Variants in BICD1 observed in about 807,000 individuals in gnomAD.
BICD1 encodes the protein BICD cargo adaptor 1, also known as protein bicaudal D homolog 1.
A neutral mutation model predicts 92.5 loss-of-function variants in BICD1; 35 were observed. The ratio of observed to expected loss-of-function variants is 0.38; its 90% CI spans 0.29 to 0.50. The LOEUF (loss-of-function observed/expected upper bound fraction) is 0.50, where lower values mean the gene tolerates loss of function less well. Ranked by LOEUF, BICD1 falls within the 20% of genes least tolerant of loss-of-function variation. The pLI, the probability that BICD1 is intolerant of heterozygous loss-of-function variation, is 0.93. For synonymous variants in BICD1, 429 were observed against 465.1 expected (o/e 0.92, Z 1.00); for missense variants, 950 against 1,189.8 (o/e 0.80, Z 2.97).
At chr12:32,305,648 A>G (rs200647574) in intron 3 of BICD1, 49 bp from the exon 4 acceptor site, 13 of 1,520,586 alleles carry the variant, frequency 8.5e-6, no homozygotes, top group Admixed American at 2.2e-5. Flanking sequence ...GCAGTTTTGT[A>G]AGATCCACAT....
chr12:32,281,314 T>C (rs1324664080), intron 2 of BICD1, among the ~76,000 whole-genome samples: 1 of 152,232 alleles, frequency 6.6e-6, no homozygotes, highest in Non-Finnish European at 1.5e-5. Flanking sequence ...CCTGGGAAGA[T>C]GCTGATTACA....
chr12:32,121,558 AC>A (rs1942150185), intron 1 of BICD1, among the ~76,000 whole-genome samples: 1 of 151,530 alleles, frequency 6.6e-6, no homozygotes, highest in Non-Finnish European at 1.5e-5. Flanking sequence ...ACTCCATTGC[AC>A]TCCAGCCTGG....
At chr12:32,176,302 C>T (rs1002997173) in intron 1 of BICD1, among the ~76,000 whole-genome samples, 1 of 152,088 alleles carries the variant, frequency 6.6e-6, no homozygotes, top group Non-Finnish European at 1.5e-5. Context: ...AACTATTTTC[C>T]AAAGTGGCCA....
At chr12:32,373,481 A>C (rs538363625) in intron 9 of BICD1, among the ~76,000 whole-genome samples, 2 of 152,238 alleles carry the variant, frequency 1.3e-5, no homozygotes, top group Non-Finnish European at 2.9e-5. Flanking sequence ...CGAATGATGT[A>C]ATGTCAAGGT....
At chr12:32,355,378 C>A (rs778954511) in intron 8 of BICD1, among the ~76,000 whole-genome samples, 2 of 152,112 alleles carry the variant, frequency 1.3e-5, no homozygotes, top group Non-Finnish European at 2.9e-5. Flanking sequence ...CACATAAATT[C>A]CCTAGCAAAG....
At chr12:32,341,948 AT>A (rs936211264) in intron 8 of BICD1, among the ~76,000 whole-genome samples, 1 of 151,844 alleles carries the variant, frequency 6.6e-6, no homozygotes, top group African/African-American at 2.4e-5. Flanking sequence ...CTTATGTTCT[AT>A]ATAAGAAATA....
At chr12:32,119,955 A>G (rs1318460282) in intron 1 of BICD1, among the ~76,000 whole-genome samples, 1 of 152,226 alleles carries the variant, frequency 6.6e-6, no homozygotes, top group Non-Finnish European at 1.5e-5. Flanking sequence ...TGTTGTTTCT[A>G]CTTTCTGAAA....
intron 1 of BICD1, among the ~76,000 whole-genome samples, chr12:32,183,479 C>T (rs1944340473): frequency 6.6e-6 from 1 of 151,918 alleles, no homozygotes; most frequent in South Asian, 2.1e-4. Context: ...GTTGGCCAGG[C>T]TGGTCTTGAA....
chr12:32,305,979 C>A lies in BICD1; in HGVS notation c.862C>A (p.His288Asn). 1 of 1,614,156 alleles carries A rather than the reference C, an allele frequency of 6.2e-7. No individual in the cohort carries two copies. The highest frequency in any genetic ancestry group is 1.1e-5 in the South Asian group (1 of 91,032). The change falls in exon 4 of 10, where the codon CAT (histidine) becomes AAT (asparagine). Residue 288 changes from histidine (H) to asparagine (N), a missense_variant. His to Asn is a moderately conservative substitution (Grantham distance 68). Coordinates refer to ENST00000652176, the MANE Select transcript of BICD1 (RefSeq NM_001714.4). Reference sequence around the variant, plus strand: ...AAACAATGATGACAAAATGAACGGTCATATCCATGGGCCTCTTGTGAAACT... The same window carrying A: ...AAACAATGATGACAAAATGAACGGTAATATCCATGGGCCTCTTGTGAAACT... ...EPNNDDKMNG[H>N]IHGPLVKLNG...
chr12:32,191,664 T>TTATATATAATATATATTATATATAATACA (rs1565576960), intron 1 of BICD1, among the ~76,000 whole-genome samples: 1 of 147,884 alleles, frequency 6.8e-6, no homozygotes, highest in Non-Finnish European at 1.5e-5. Flanking sequence ...GCAATATATG[T>TTATATATAATATATATTATATATAATACA]TATATATAAT....
chr12:32,342,074 T>G (rs1389620727), intron 8 of BICD1, among the ~76,000 whole-genome samples: 3 of 150,296 alleles, frequency 2.0e-5, no homozygotes, highest in Admixed American at 1.3e-4. Flanking sequence ...AAAGGAAAAT[T>G]CTCTATTAAT....
intron 5 of BICD1, chr12:32,333,330 G>A: frequency 1.1e-6 from 1 of 921,246 alleles, no homozygotes; most frequent in East Asian, 1.2e-4. Context: ...TATTTTATGA[G>A]TAAAGTCTCA....
At chr12:32,115,333 GT>G (rs1489702410) in intron 1 of BICD1, among the ~76,000 whole-genome samples, 1 of 148,158 alleles carries the variant, frequency 6.7e-6, no homozygotes, top group African/African-American at 2.5e-5. Flanking sequence ...TTCTGTACTT[GT>G]TTTAAATGTC....
chr12:32,154,676 TC>T (rs1370521435), intron 1 of BICD1, among the ~76,000 whole-genome samples: 2 of 152,200 alleles, frequency 1.3e-5, no homozygotes, highest in Non-Finnish European at 2.9e-5. Context: ...CCTTCCAAAT[TC>T]CTGTTCTCTT....
At chr12:32,353,612 G>A (rs762510247) in intron 8 of BICD1, 5 of 151,922 alleles carry the variant, frequency 3.3e-5, no homozygotes, top group Admixed American at 6.6e-5. Flanking sequence ...TAAACAAGAA[G>A]ATCAAACACA....
In BICD1 at chr12:32,150,886, T is replaced by C. The variant is rs112579197; in HGVS notation, c.213+43342T>C. On this transcript the variant is annotated intron_variant, in intron 1 of 9. Coordinates refer to ENST00000652176, the MANE Select transcript of BICD1 (RefSeq NM_001714.4). ...GCACGTGAGACTCATGGCAAATTCA[T>C]TGACTCTTCTGTCCGAGCATTTTCT... Among the ~76,000 whole-genome samples the C allele has an allele frequency of 4.4e-3, 664 of 152,324 alleles. 7 individuals carry two copies. The highest frequency in any genetic ancestry group is 0.015 in the African/African-American group (641 of 41,564).
intron 1 of BICD1, among the ~76,000 whole-genome samples, chr12:32,116,720 G>A (rs1941930151): frequency 6.6e-6 from 1 of 150,512 alleles, no homozygotes; most frequent in Non-Finnish European, 1.5e-5. Flanking sequence ...GTTTTTACTG[G>A]AGGCTCAGGT....
intron 2 of BICD1, among the ~76,000 whole-genome samples, chr12:32,244,080 T>TTTTTTTTTTTTTTTTTTTTTGTAAA (rs1270426321): frequency 6.6e-6 from 1 of 152,126 alleles, no homozygotes; most frequent in African/African-American, 2.4e-5. Flanking sequence ...ATTCTTTATC[T>TTTTTTTTTTTTTTTTTTTTTGTAAA]GCTATTTCAA....
At chr12:32,350,749 T>C (rs1938831146) in intron 8 of BICD1, among the ~76,000 whole-genome samples, 1 of 152,204 alleles carries the variant, frequency 6.6e-6, no homozygotes, top group Non-Finnish European at 1.5e-5. Context: ...GTATTTTACC[T>C]GAAAGGTATG....
Sources: allele counts gnomAD v4.1 joint callset (sites outside exome capture counted in the v4.1 genomes callset), GRCh38; gene constraint gnomAD v4.1.1; transcripts MANE v1.5; gene names NCBI Gene and HGNC (gene_info 2026-07-23, HGNC 2026-07-21).